Variants in CDH4 observed in about 807,000 individuals in gnomAD.
CDH4 encodes cadherin 4, also known as cadherin-4.
A neutral mutation model predicts 86.0 loss-of-function variants in CDH4; 33 were observed. The observed-to-expected ratio is 0.38, with a 90% confidence interval of 0.29 to 0.51. The LOEUF is 0.51. Ranked by LOEUF, CDH4 falls within the 20% of genes least tolerant of loss-of-function variation. The probability of loss-of-function intolerance (pLI) is 0.86; values close to 1 mark genes in which losing one functional copy is unlikely to be tolerated. For missense variants in CDH4, 1,114 were observed against 1,307.4 expected, an observed-to-expected ratio of 0.85 and a Z score of 2.28; for synonymous variants, 555 against 549.4, an observed-to-expected ratio of 1.01 and a Z score of -0.14.
chr20:61,277,323 G>A (rs6129090), intron 2 of CDH4, among the ~76,000 whole-genome samples: 107,428 of 152,166 alleles, frequency 0.71, 38,226 homozygotes, highest in Admixed American at 0.77. Flanking sequence ...TAATGTTTTT[G>A]TACTCTCTTC....
chr20:61,721,415 G>A (rs2088040068), intron 2 of CDH4, among the ~76,000 whole-genome samples: 1 of 152,162 alleles, frequency 6.6e-6, no homozygotes, highest in African/African-American at 2.4e-5. Flanking sequence ...CTCTCCCTCT[G>A]CCTCCAGCCC....
At chr20:61,798,715 T>G (rs1979677236) in intron 4 of CDH4, among the ~76,000 whole-genome samples, 1 of 152,206 alleles carries the variant, frequency 6.6e-6, no homozygotes, top group African/African-American at 2.4e-5. Context: ...ACAGCCTGCT[T>G]CTTCCTCCTT....
intron 2 of CDH4, among the ~76,000 whole-genome samples, chr20:61,526,428 G>A (rs921046761): frequency 1.3e-5 from 2 of 151,924 alleles, no homozygotes; most frequent in African/African-American, 2.4e-5. Flanking sequence ...TGTCTCCTCC[G>A]ACGATGGACT....
intron 2 of CDH4, among the ~76,000 whole-genome samples, chr20:61,434,083 G>A (rs1052851992): frequency 6.6e-5 from 10 of 152,240 alleles, no homozygotes; most frequent in African/African-American, 2.2e-4. Flanking sequence ...CACTGGCTTC[G>A]TTCTTGGGGC....
chr20:61,436,225 C>A (rs2085281288), intron 2 of CDH4, among the ~76,000 whole-genome samples: 1 of 152,186 alleles, frequency 6.6e-6, no homozygotes, highest in African/African-American at 2.4e-5. Flanking sequence ...CACTCTTGCA[C>A]CTTCGCCCCC....
At chr20:61,299,933 C>T (rs1247738453) in intron 2 of CDH4, among the ~76,000 whole-genome samples, 1 of 152,172 alleles carries the variant, frequency 6.6e-6, no homozygotes, top group Non-Finnish European at 1.5e-5. Context: ...AGAGCCTTTG[C>T]CAGTGTGTCC....
intron 2 of CDH4, among the ~76,000 whole-genome samples, chr20:61,313,450 G>A (rs1172731223): frequency 2.6e-5 from 4 of 152,150 alleles, no homozygotes; most frequent in East Asian, 1.9e-4. Flanking sequence ...CCATTGAGTC[G>A]CCCTTGGCAC....
intron 2 of CDH4, among the ~76,000 whole-genome samples, chr20:61,271,507 G>C (rs2084182658): frequency 6.6e-6 from 1 of 152,212 alleles, no homozygotes; most frequent in African/African-American, 2.4e-5. Context: ...TGTGAGCAGA[G>C]GATTAAATTG....
intron 2 of CDH4, among the ~76,000 whole-genome samples, chr20:61,264,131 T>C (rs1308188851): frequency 6.6e-6 from 1 of 152,186 alleles, no homozygotes; most frequent in Admixed American, 6.5e-5. Flanking sequence ...GTCGTGATTC[T>C]GCTGACCACA....
In CDH4 at chr20:61,314,172, A is replaced by G. The variant is rs544516076; in HGVS notation, c.169+59235A>G. Among the ~76,000 whole-genome samples the G allele has an allele frequency of 3.9e-5, 6 of 152,308 alleles. No individual in the cohort carries two copies. The South Asian group carries it at 1.2e-3, about 32-fold the overall frequency. On this transcript the variant is annotated intron_variant, in intron 2 of 15. Transcript: ENST00000614565. ...TCCTTTTACAGATTTCAAATTAACC[A>G]TACAGTGTTGCTACCCCTGGTCTCT... is the stretch of plus-strand genomic sequence containing the variant.
intron 2 of CDH4, among the ~76,000 whole-genome samples, chr20:61,344,414 AC>A (rs2084665632): frequency 1.3e-5 from 2 of 152,222 alleles, no homozygotes; most frequent in Admixed American, 6.5e-5. Context: ...TCTTCTGTCC[AC>A]AATCAAGAAA....
At chr20:61,296,384 A>C (rs1398188665) in intron 2 of CDH4, among the ~76,000 whole-genome samples, 2 of 151,766 alleles carry the variant, frequency 1.3e-5, no homozygotes, top group Non-Finnish European at 2.9e-5. Flanking sequence ...TTTTCTCAGC[A>C]CTGCAGGCCA....
chr20:61,273,357 G>T (rs2084197246), intron 2 of CDH4, among the ~76,000 whole-genome samples: 1 of 137,982 alleles, frequency 7.2e-6, no homozygotes, highest in African/African-American at 2.7e-5. Flanking sequence ...CAGTTTGGGG[G>T]AGTACCGTGT....
intron 4 of CDH4, among the ~76,000 whole-genome samples, chr20:61,818,381 A>G (rs560275087): frequency 1.3e-5 from 2 of 152,254 alleles, no homozygotes; most frequent in South Asian, 4.1e-4. Context: ...CAGAATTCCA[A>G]AAAGTGGGAA....
chr20:61,662,436 C>T (rs1180772702), intron 2 of CDH4, among the ~76,000 whole-genome samples: 1 of 152,242 alleles, frequency 6.6e-6, no homozygotes, highest in African/African-American at 2.4e-5. Context: ...TGCGCGGCTT[C>T]ACCATTCCGA....
intron 2 of CDH4, among the ~76,000 whole-genome samples, chr20:61,351,966 C>T (rs991631623): frequency 1.3e-5 from 2 of 152,162 alleles, no homozygotes; most frequent in African/African-American, 4.8e-5. Flanking sequence ...ATCCACCCAC[C>T]TCGGCCTCCC....
chr20:61,444,329 GTGTT>G (rs2085332202), intron 2 of CDH4, among the ~76,000 whole-genome samples: 12 of 101,046 alleles, frequency 1.2e-4, no homozygotes, highest in Non-Finnish European at 1.4e-4. Flanking sequence ...ATCTGCACGT[GTGTT>G]TCTCTGTGTG....
At chr20:61,686,705 G>A (rs886265079) in intron 2 of CDH4, among the ~76,000 whole-genome samples, 11 of 151,590 alleles carry the variant, frequency 7.3e-5, no homozygotes, top group African/African-American at 1.7e-4. Context: ...GTGTATGTGC[G>A]TGTGCATTCC....
rs2087509939 is a variant in CDH4 at position 61,681,261 on chromosome 20, T to C, written c.170-62302T>C. Among the ~76,000 whole-genome samples, 1 of 152,200 alleles carries C rather than the reference T, an allele frequency of 6.6e-6. No homozygotes were observed. Among genetic ancestry groups the C allele is most frequent in the Non-Finnish European group, 1.5e-5 (1 of 68,042 alleles). On this transcript the variant is annotated intron_variant, in intron 2 of 15. Coordinates refer to ENST00000614565, the MANE Select transcript of CDH4 (RefSeq NM_001794.5). The surrounding 1 kb of genome is among the most constrained non-coding windows in gnomAD (Gnocchi z 4.5). Reference sequence around the variant, plus strand: ...TGAATTACCTACAAATTGTATACAGTGCTTTAGGACTAAGTAGCTTTTTGC... The same window carrying C: ...TGAATTACCTACAAATTGTATACAGCGCTTTAGGACTAAGTAGCTTTTTGC...
Sources: allele counts gnomAD v4.1 joint callset (sites outside exome capture counted in the v4.1 genomes callset), GRCh38; gene constraint gnomAD v4.1.1; non-coding constraint Gnocchi (gnomAD v3.1); transcripts MANE v1.5; gene names NCBI Gene and HGNC (gene_info 2026-07-23, HGNC 2026-07-21).